Variants in DST observed in about 807,000 individuals in gnomAD.
DST encodes bullous pemphigoid antigen.
DST carries 253 observed loss-of-function variants against 875.2 expected under a neutral mutation model. The ratio of observed to expected loss-of-function variants is 0.29; its 90% CI spans 0.26 to 0.32. DST has a LOEUF of 0.32. Ranked by LOEUF, DST falls within the 10% of genes least tolerant of loss-of-function variation. The pLI is 1.00. For missense variants in DST, 8,287 were observed against 9,111.6 expected, an observed-to-expected ratio of 0.91 and a Z score of 3.68; for synonymous variants, 3,124 against 3,197.1, an observed-to-expected ratio of 0.98 and a Z score of 0.77.
intron 7 of DST, 65 bp from the exon 8 acceptor site, chr6:56,702,030 T>C: frequency 2.1e-6 from 2 of 964,710 alleles, no homozygotes; most frequent in South Asian, 1.4e-5. Context: ...CTAATTTAAA[T>C]ATAATTTCTG....
At chr6:56,667,509 GACA>G (rs2099077819) in intron 10 of DST, among the ~76,000 whole-genome samples, 1 of 152,078 alleles carries the variant, frequency 6.6e-6, no homozygotes, top group East Asian at 1.9e-4. Flanking sequence ...TAAGCCACAG[GACA>G]ACGACAGAAT....
chr6:56,808,904 A>T (rs958815091), intron 4 of DST, among the ~76,000 whole-genome samples: 1 of 152,170 alleles, frequency 6.6e-6, no homozygotes, highest in East Asian at 1.9e-4. Flanking sequence ...CTAGTGGGCA[A>T]ATTTGTTGCA....
intron 1 of DST, 36 bp downstream of exon 1, chr6:56,954,371 T>G (rs528418471): frequency 1.2e-3 from 1,570 of 1,344,186 alleles, no homozygotes; most frequent in Non-Finnish European, 1.5e-3. Flanking sequence ...TAATTGTTCC[T>G]GGTAGCCCGC....
rs1360483809 is a variant in DST at position 56,517,511 on chromosome 6, T to C, written c.18239A>G (p.Gln6080Arg). Reference sequence around the variant, plus strand: ...AATGTATTTCTTCACCTTTTGAACTTGAAGCTGAGCAGAAGTCTGGTCTTG... The same window carrying C: ...AATGTATTTCTTCACCTTTTGAACTCGAAGCTGAGCAGAAGTCTGGTCTTG... ...LEQDQTSAQL[Q>R]VQKTFTMEIL... The change falls in exon 70 of 104, where the codon CAA becomes CGA. Residue 6080 changes from glutamine (Q) to arginine (R), a missense_variant. This residue lies in a region of DST where 777 missense variants were observed against 764.8 expected (regional missense o/e 1.02). Coordinates refer to ENST00000680361, the MANE Select transcript of DST (RefSeq NM_001374736.1). The C allele has an allele frequency of 6.2e-7, 1 of 1,612,548 alleles. No individual in the cohort carries two copies. The highest frequency in any genetic ancestry group is 1.7e-5 in the Admixed American group (1 of 59,772).
intron 4 of DST, among the ~76,000 whole-genome samples, chr6:56,744,211 T>C (rs1474742627): frequency 3.3e-5 from 5 of 149,408 alleles, no homozygotes; most frequent in Non-Finnish European, 7.4e-5. Flanking sequence ...CCACAGAAGA[T>C]GGAATTTACC....
intron 4 of DST, among the ~76,000 whole-genome samples, chr6:56,744,069 A>G (rs1351238194): frequency 6.6e-6 from 1 of 151,552 alleles, no homozygotes; most frequent in Non-Finnish European, 1.5e-5. Flanking sequence ...GAATTGCTTG[A>G]GCCCAGAAGG....
chr6:56,672,365 A>G (rs1168780645), intron 9 of DST, among the ~76,000 whole-genome samples: 1 of 152,218 alleles, frequency 6.6e-6, no homozygotes, highest in Non-Finnish European at 1.5e-5. Flanking sequence ...AATGGTCAGG[A>G]TTTAAAAGCG....
Position 56,553,582 on chromosome 6 carries a change from C to T in DST, c.15210G>A (p.Gln5070=), listed in dbSNP as rs2097353360. The T allele has an allele frequency of 6.2e-7, 1 of 1,613,866 alleles. No homozygotes were observed. Among genetic ancestry groups the T allele is most frequent in the Non-Finnish European group, 8.5e-7 (1 of 1,179,870 alleles). ...HQFQQMSRDF[Q]AWLDTKKEEQ... Reference sequence around the variant, plus strand: ...CTTCTTTCTTTGTATCCAGCCAAGCCTGAAAATCTCTAGACATTTGCTGAA... The same window carrying T: ...CTTCTTTCTTTGTATCCAGCCAAGCTTGAAAATCTCTAGACATTTGCTGAA... The change falls in exon 61 of 104, where the codon CAG becomes CAA. Residue 5070 remains glutamine, a synonymous_variant. Transcript: ENST00000680361.
intron 4 of DST, among the ~76,000 whole-genome samples, chr6:56,795,725 TA>T (rs2099738661): frequency 6.6e-6 from 1 of 151,024 alleles, no homozygotes; most frequent in Non-Finnish European, 1.5e-5. Context: ...CACAATCCTA[TA>T]ATGTCAAGAA....
chr6:56,818,135 T>C (rs2099768811), intron 4 of DST, among the ~76,000 whole-genome samples: 2 of 152,208 alleles, frequency 1.3e-5, no homozygotes, highest in Non-Finnish European at 2.9e-5. Flanking sequence ...AAGGTCCATT[T>C]TGAACTAATG....
chr6:56,532,528 A>C lies in DST; in HGVS notation c.16942-18T>G. The C allele has an allele frequency of 6.5e-7, 1 of 1,549,972 alleles. No homozygotes were observed. ...TGGAGAAGCTTGAGACAAAACATTAAATATAAAAAAGCAAGGGAATAATTG... is the reference window on the plus strand; with the variant it reads ...TGGAGAAGCTTGAGACAAAACATTACATATAAAAAAGCAAGGGAATAATTG... On this transcript the variant is annotated intron_variant, in intron 63 of 103. Transcript: ENST00000680361.
At chr6:56,642,532 C>T in intron 15 of DST, 29 bp from the exon 16 acceptor site, 1 of 1,608,912 alleles carries the variant, frequency 6.2e-7, no homozygotes, top group Non-Finnish European at 8.5e-7. Context: ...TAAAATAAAG[C>T]TTCTCCCTTT....
intron 50 of DST, 71 bp downstream of exon 50, chr6:56,578,743 T>G: frequency 6.6e-7 from 1 of 1,510,842 alleles, no homozygotes; most frequent in East Asian, 2.3e-5. Context: ...AACATTTTTC[T>G]CCATATCTAT....
At chr6:56,926,859 A>G (rs1446759551) in intron 2 of DST, among the ~76,000 whole-genome samples, 2 of 152,180 alleles carry the variant, frequency 1.3e-5, no homozygotes, top group Non-Finnish European at 2.9e-5. Context: ...CTTAGAAGGA[A>G]GAAGGGACAC....
At chr6:56,772,470 C>T (rs1229548171) in intron 4 of DST, among the ~76,000 whole-genome samples, 1 of 152,164 alleles carries the variant, frequency 6.6e-6, no homozygotes, top group East Asian at 1.9e-4. Flanking sequence ...CCTAGAACTG[C>T]AACTGATTAG....
intron 4 of DST, among the ~76,000 whole-genome samples, chr6:56,818,899 GC>G (rs1185578137): frequency 2.0e-5 from 3 of 152,082 alleles, no homozygotes; most frequent in African/African-American, 4.8e-5. Context: ...GAATAAGAAA[GC>G]TTTTACTTTG....
chr6:56,630,504 A>T, intron 30 of DST, 121 bp from the exon 31 acceptor site: 1 of 889,208 alleles, frequency 1.1e-6, no homozygotes, highest in Non-Finnish European at 1.8e-6. Context: ...ACACTGATAC[A>T]TTTACTATGA....
At chr6:56,940,042 T>C (rs1362945337) in intron 2 of DST, among the ~76,000 whole-genome samples, 1 of 151,828 alleles carries the variant, frequency 6.6e-6, no homozygotes, top group Non-Finnish European at 1.5e-5. Flanking sequence ...AAAAATTTTA[T>C]ATAAATAAGT....
intron 4 of DST, among the ~76,000 whole-genome samples, chr6:56,787,597 A>G (rs149404495): frequency 1.3e-5 from 2 of 152,344 alleles, no homozygotes; most frequent in Middle Eastern, 3.4e-3. Flanking sequence ...TAATATGTAG[A>G]CTTCTATCCT....
Sources: allele counts gnomAD v4.1 joint callset (sites outside exome capture counted in the v4.1 genomes callset), GRCh38; gene constraint gnomAD v4.1.1; regional missense constraint gnomAD v4.1.1; transcripts MANE v1.5; gene names NCBI Gene and HGNC (gene_info 2026-07-23, HGNC 2026-07-21).